Variants in UBE2G1 observed in about 807,000 individuals in gnomAD.
UBE2G1 encodes ubiquitin conjugating enzyme E2 G1, also known as ubiquitin-conjugating enzyme E2 G1.
In UBE2G1, 5 loss-of-function variants were observed where a neutral mutation model predicts 22.7. The ratio of observed to expected loss-of-function variants is 0.22; its 90% confidence interval spans 0.12 to 0.46. The LOEUF is 0.46. UBE2G1 is among the 20% of genes least tolerant of loss of function. The pLI, the probability that UBE2G1 is intolerant of heterozygous loss-of-function variation, is 0.99. For missense variants in UBE2G1, 88 were observed against 203.9 expected (o/e 0.43, Z 3.46); for synonymous variants, 74 against 67.5 (o/e 1.10, Z -0.47).
chr17:4,293,790 T>G (rs548125345), intron 3 of UBE2G1, among the ~76,000 whole-genome samples: 2 of 152,344 alleles, frequency 1.3e-5, no homozygotes, highest in African/African-American at 4.8e-5. Flanking sequence ...AAACTCTTAC[T>G]TCTCCTTTAC....
chr17:4,353,811 A>AT (rs1969874070), intron 1 of UBE2G1, among the ~76,000 whole-genome samples: 5 of 134,484 alleles, frequency 3.7e-5, no homozygotes, highest in African/African-American at 1.5e-4. Flanking sequence ...TGCCCGGTCA[A>AT]ATTTTTTTTT....
chr17:4,290,665 A>G (rs1171131446), intron 3 of UBE2G1, among the ~76,000 whole-genome samples: 1 of 124,418 alleles, frequency 8.0e-6, no homozygotes, highest in Non-Finnish European at 1.8e-5. Context: ...TTTTTGGTAG[A>G]GATGGGGGTC....
intron 1 of UBE2G1, among the ~76,000 whole-genome samples, chr17:4,363,777 C>T (rs1969995894): frequency 6.6e-6 from 1 of 151,358 alleles, no homozygotes; most frequent in Non-Finnish European, 1.5e-5. Flanking sequence ...ACAGTGAAAC[C>T]CCGTCTCTAC....
At chr17:4,306,876 TCC>T (rs774411178) in intron 2 of UBE2G1, 143 bp downstream of exon 2, 20 of 569,598 alleles carry the variant, frequency 3.5e-5, no homozygotes, top group Admixed American at 3.1e-4. Flanking sequence ...GGTCTCGAAC[TCC>T]TGACCTCATG....
intron 5 of UBE2G1, among the ~76,000 whole-genome samples, chr17:4,275,489 C>G (rs535253343): frequency 1.3e-5 from 2 of 152,296 alleles, no homozygotes; most frequent in Non-Finnish European, 2.9e-5. Flanking sequence ...ACCTAAAAAT[C>G]TGGAGATGGT....
At chr17:4,353,473 AC>A (rs1197107989) in intron 1 of UBE2G1, among the ~76,000 whole-genome samples, 1 of 151,714 alleles carries the variant, frequency 6.6e-6, no homozygotes, top group Admixed American at 6.6e-5. Flanking sequence ...ACACACACAC[AC>A]ACACACACAC....
At chr17:4,298,215 C>T (rs1172954012) in intron 2 of UBE2G1, among the ~76,000 whole-genome samples, 3 of 152,146 alleles carry the variant, frequency 2.0e-5, no homozygotes, top group South Asian at 2.1e-4. Context: ...ATTCTAGCTA[C>T]TTGAGAGGCT....
In UBE2G1 at chr17:4,366,607, C is replaced by T. The variant is rs1297248550; in HGVS notation, c.-291G>A. 3.0e-6 allele frequency: 1 copy of T among 329,562 alleles called. No homozygotes were observed. The highest frequency in any genetic ancestry group is 8.1e-5 in the South Asian group (1 of 12,378). 20.4% of individuals were successfully genotyped at this position (329,562 alleles called of 1,614,324 possible). The stretch of plus-strand genomic sequence containing the variant: ...TCCCTCCTTCAACCCGCCCGTCGGC[C>T]CCACCGGTGCCTTCCCCCGCCACTG... On this transcript the variant is annotated 5_prime_UTR_variant, in exon 1 of 6. Transcript: ENST00000396981.
intron 2 of UBE2G1, among the ~76,000 whole-genome samples, chr17:4,305,451 A>G (rs935931207): frequency 3.3e-5 from 5 of 152,238 alleles, no homozygotes; most frequent in African/African-American, 1.2e-4. Flanking sequence ...CAGCATATAC[A>G]CACTCCAGCA....
chr17:4,295,476 G>C (rs374239975), intron 3 of UBE2G1, among the ~76,000 whole-genome samples: 1 of 152,254 alleles, frequency 6.6e-6, no homozygotes, highest in East Asian at 1.9e-4. Flanking sequence ...ATATCCTTCC[G>C]ATAAATCCTT....
At chr17:4,358,967 A>T (rs900791499) in intron 1 of UBE2G1, among the ~76,000 whole-genome samples, 3 of 144,864 alleles carry the variant, frequency 2.1e-5, no homozygotes, top group Non-Finnish European at 3.1e-5. Flanking sequence ...AAATAAAATT[A>T]AAAAAAAAAA....
intron 1 of UBE2G1, among the ~76,000 whole-genome samples, chr17:4,323,349 A>G (rs1283607915): frequency 1.3e-5 from 2 of 152,218 alleles, no homozygotes; most frequent in Non-Finnish European, 2.9e-5. Context: ...ATGAGATTAA[A>G]TATCAATTAC....
intron 1 of UBE2G1, among the ~76,000 whole-genome samples, chr17:4,362,488 ACT>A (rs1890305473): frequency 1.3e-5 from 2 of 152,122 alleles, no homozygotes; most frequent in South Asian, 4.1e-4. Flanking sequence ...CTACAACAAT[ACT>A]CAACCCAAAA....
At chr17:4,299,393 T>C (rs7218432) in intron 2 of UBE2G1, among the ~76,000 whole-genome samples, 9,765 of 152,158 alleles carry the variant, frequency 0.064, 1,087 homozygotes, top group African/African-American at 0.22. Context: ...AGTGAGACTC[T>C]GTCTCAACAA....
chr17:4,271,512 A>T lies in UBE2G1; in HGVS notation c.*1042T>A, dbSNP rs1598175216. 6.6e-6 allele frequency: 1 copy of T among 151,990 alleles called. No homozygotes were observed. Among genetic ancestry groups the T allele is most frequent in the East Asian group, 1.9e-4 (1 of 5,188 alleles). The allele number at this position is 151,990 out of a possible 1,614,324, so 9.4% of individuals were successfully genotyped here. ...AAAATCAAATTACATGAAAATATAC[A>T]TCGCAATTTCTTTGTACAATAGGTG... On this transcript the variant is annotated 3_prime_UTR_variant, in exon 6 of 6. Coordinates refer to ENST00000396981, the MANE Select transcript of UBE2G1 (RefSeq NM_003342.5).
chr17:4,356,646 T>C lies in UBE2G1; in HGVS notation c.46+9625A>G, dbSNP rs548197854. On this transcript the variant is annotated intron_variant, in intron 1 of 5. Transcript: ENST00000396981. ...ACTCTGGGAGGCCAAGCCAAGAGGA[T>C]TGCTTGAGTCCAGGAGTTCAAGACC... Among the ~76,000 whole-genome samples, 363 of 152,300 alleles carry C rather than the reference T, an allele frequency of 2.4e-3. 4 individuals carry two copies. Among genetic ancestry groups the C allele is most frequent in the African/African-American group, 6.8e-3 (283 of 41,552 alleles).
At chr17:4,351,277 TC>T (rs1244943485) in intron 1 of UBE2G1, among the ~76,000 whole-genome samples, 3 of 152,180 alleles carry the variant, frequency 2.0e-5, no homozygotes, top group Non-Finnish European at 4.4e-5. Context: ...TATCTGAAAC[TC>T]TTCTAAAAAG....
At chr17:4,329,353 C>T (rs904014580) in intron 1 of UBE2G1, among the ~76,000 whole-genome samples, 13 of 150,996 alleles carry the variant, frequency 8.6e-5, no homozygotes, top group African/African-American at 3.2e-4. Context: ...GAGCAGAGAT[C>T]GCACCATTGC....
chr17:4,322,877 C>G, intron 1 of UBE2G1, among the ~76,000 whole-genome samples: 1 of 152,078 alleles, frequency 6.6e-6, no homozygotes. Flanking sequence ...CCACCGAGCA[C>G]TGTGGCAACA....
Sources: allele counts gnomAD v4.1 joint callset (sites outside exome capture counted in the v4.1 genomes callset), GRCh38; gene constraint gnomAD v4.1.1; transcripts MANE v1.5; gene names NCBI Gene and HGNC (gene_info 2026-07-23, HGNC 2026-07-21).